The following AP1G2 variants were observed in gnomAD, a reference collection of about 807,000 sequenced individuals.
The protein encoded by AP1G2 is AP-1 complex subunit gamma-like 2.
In AP1G2, 85 loss-of-function variants were observed where a neutral mutation model predicts 95.8. The observed-to-expected ratio is 0.89, with a 90% confidence interval of 0.74 to 1.06. The LOEUF (loss-of-function observed/expected upper bound fraction) is 1.06, where lower values mean the gene tolerates loss of function less well. AP1G2 is among the 50% of genes least tolerant of loss of function. AP1G2 has a pLI of 0.00. For missense variants in AP1G2, 967 were observed against 1,005.8 expected (o/e 0.96, Z 0.52); for synonymous variants, 378 against 400.0 (o/e 0.94, Z 0.66).
intron 8 of AP1G2, 108 bp downstream of exon 8, chr14:23,565,011 G>A (rs1281015439): frequency 4.9e-6 from 5 of 1,030,784 alleles, no homozygotes. Context: ...TAGAGGAGAT[G>A]GAGAGGCAAT....
In AP1G2 at chr14:23,560,355, C is replaced by T. The variant is rs780673370; in HGVS notation, c.2057G>A (p.Arg686Gln). ...EGVQLNLSFI[R>Q]PPENPALLLI... is the part of the protein sequence containing the mutation. ...CAGCAAAGCAGGGTTTTCAGGGGGTCGAATGAAAGACAGATTCAGCTGTAC... is the reference window on the plus strand; with the variant it reads ...CAGCAAAGCAGGGTTTTCAGGGGGTTGAATGAAAGACAGATTCAGCTGTAC... The change falls in exon 20 of 22, where the codon CGA becomes CAA. Residue 686 changes from arginine (R) to glutamine (Q), a missense_variant. Transcript: ENST00000397120. 13 of 1,613,950 alleles carry T rather than the reference C, an allele frequency of 8.1e-6. No homozygotes were observed. The highest frequency in any genetic ancestry group is 1.0e-5 in the Non-Finnish European group (12 of 1,179,990).
In AP1G2 at chr14:23,561,853, C is replaced by T. The variant is rs1397348860; in HGVS notation, c.1733+109G>A. ...TTAACAGTGGGTGGGAAGCTCTCACCGTGGATATGGAAGAACACAGGTGAG... is the reference window on the plus strand; with the variant it reads ...TTAACAGTGGGTGGGAAGCTCTCACTGTGGATATGGAAGAACACAGGTGAG... On this transcript the variant is annotated intron_variant, in intron 17 of 21. Transcript: ENST00000397120. 48 of 1,482,752 alleles carry T rather than the reference C, an allele frequency of 3.2e-5. 2 individuals carry two copies. Among genetic ancestry groups the T allele is most frequent in the South Asian group, 1.2e-4 (9 of 73,612 alleles). 91.8% of individuals were successfully genotyped at this position (1,482,752 alleles called of 1,614,324 possible).
intron 7 of AP1G2, 76 bp downstream of exon 7, chr14:23,565,509 TGAGAGAACCAGTGTTCTCTGG>T (rs1887423503): frequency 9.1e-7 from 1 of 1,104,154 alleles, no homozygotes; most frequent in East Asian, 2.5e-5. Flanking sequence ...CCCAGGACAC[TGAGAGAACCAGTGTTCTCTGG>T]GAGGAAACCA....
chr14:23,565,277 A>G (rs1486156294), intron 7 of AP1G2, 78 bp from the exon 8 acceptor site: 2 of 1,448,978 alleles, frequency 1.4e-6, no homozygotes, highest in Admixed American at 1.9e-5. Flanking sequence ...AAACTCCAAC[A>G]TGTGAGGGTC....
intron 7 of AP1G2, 117 bp from the exon 8 acceptor site, chr14:23,565,316 C>T: frequency 9.5e-7 from 1 of 1,054,912 alleles, no homozygotes; most frequent in Non-Finnish European, 1.4e-6. Flanking sequence ...CTTCCCCCAC[C>T]TCCTCACCTC....
intron 8 of AP1G2, 36 bp from the exon 9 acceptor site, chr14:23,564,696 G>A (rs774031843): frequency 6.3e-7 from 1 of 1,584,666 alleles, no homozygotes; most frequent in Non-Finnish European, 8.7e-7. Flanking sequence ...TCTGCTCAAG[G>A]CCCTCCTCAG....
At position 23,561,640 on chromosome 14, in the gene AP1G2, G is replaced by A. The variant is rs1328869022; in HGVS notation, c.1734-5C>T. 1 of 1,613,624 alleles carries A rather than the reference G, an allele frequency of 6.2e-7. No homozygotes were observed. Among genetic ancestry groups the A allele is most frequent in the Admixed American group, 1.7e-5 (1 of 59,988 alleles). On this transcript the variant is annotated splice_region_variant and splice_polypyrimidine_tract_variant and intron_variant, in intron 17 of 21. Transcript: ENST00000397120. ...ATTTTTTCCAGGATGGCAGCCCTGAGAGGATGGAATGCAAGTGTGCCTCTG... is the reference window on the plus strand; with the variant it reads ...ATTTTTTCCAGGATGGCAGCCCTGAAAGGATGGAATGCAAGTGTGCCTCTG...
At chr14:23,564,182 T>C (rs367588933) in intron 10 of AP1G2, 23 bp from the exon 11 acceptor site, 24 of 1,612,728 alleles carry the variant, frequency 1.5e-5, no homozygotes, top group African/African-American at 6.7e-5. Flanking sequence ...GGGGAGGTTC[T>C]ATCATACCAT....
In AP1G2 at chr14:23,567,670, C is replaced by A. The variant is rs1470299888; in HGVS notation, c.-6+69G>T. On this transcript the variant is annotated intron_variant, in intron 1 of 21. Transcript: ENST00000397120. This position sits in a 1 kb window ranked among gnomAD's most constrained non-coding sequence, Gnocchi z 5.3. ...CCGCTGTTTCTTCCGCGAGCTTCCT[C>A]CCCCGATTTCCATCTCAGGCAGCGG... 1 of 979,292 alleles carries A rather than the reference C, an allele frequency of 1.0e-6. No individual in the cohort carries two copies. The highest frequency in any genetic ancestry group is 1.2e-6 in the Non-Finnish European group (1 of 812,606). The allele number at this position is 979,292 out of a possible 1,614,324, so 60.7% of individuals were successfully genotyped here. A position where few individuals can be genotyped will look rare whatever the true frequency, so the allele number is the denominator to read the frequency against.
At chr14:23,566,813 A>T in intron 2 of AP1G2, 127 bp from the exon 3 acceptor site, 1 of 1,360,622 alleles carries the variant, frequency 7.3e-7, no homozygotes. Flanking sequence ...TCTCCCTTCA[A>T]CAAGAGGAGA....
At chr14:23,562,186 CT>C (rs1422784373) in intron 16 of AP1G2, 101 bp downstream of exon 16, 1 of 1,591,838 alleles carries the variant, frequency 6.3e-7, no homozygotes, top group African/African-American at 1.3e-5. Context: ...AACCTAAGGG[CT>C]AGGGGGTAGG....
In AP1G2 at chr14:23,567,042, T is replaced by A. The variant is rs532610933; in HGVS notation, c.204+69A>T. 6.7e-7 allele frequency: 1 copy of A among 1,492,366 alleles called. No homozygotes were observed. Among genetic ancestry groups the A allele is most frequent in the Non-Finnish European group, 9.1e-7 (1 of 1,101,450 alleles). The allele number at this position is 1,492,366 out of a possible 1,614,324, so 92.4% of individuals were successfully genotyped here. On this transcript the variant is annotated intron_variant, in intron 2 of 21. Coordinates refer to ENST00000397120, the MANE Select transcript of AP1G2 (RefSeq NM_003917.5). This position sits in a 1 kb window ranked among gnomAD's most constrained non-coding sequence, Gnocchi z 5.3. ...TTTAAAAAACCAGGGCATAAACAGG[T>A]GAGAGAGTCTGGGACTCTGCCCCAC...
rs2139435504 is a variant in AP1G2 at position 23,567,627 on chromosome 14, T to C, written c.-6+112A>G. 5.3e-6 allele frequency: 6 copies of C among 1,133,540 alleles called. No individual in the cohort carries two copies. The East Asian group carries it at 3.3e-4, about 62-fold the overall frequency. 70.2% of individuals were successfully genotyped at this position (1,133,540 alleles called of 1,614,324 possible). A position where few individuals can be genotyped will look rare whatever the true frequency, so the allele number is the denominator to read the frequency against. ...ACCCCATCCCTAGCTCAGCCATTGC[T>C]TTTTTTTCCACGACCCTCCGCTGTT... On this transcript the variant is annotated intron_variant, in intron 1 of 21. Transcript: ENST00000397120. This position sits in a 1 kb window ranked among gnomAD's most constrained non-coding sequence, Gnocchi z 5.3.
intron 2 of AP1G2, 130 bp from the exon 3 acceptor site, chr14:23,566,816 A>G: frequency 1.5e-6 from 2 of 1,355,812 alleles, no homozygotes; most frequent in Non-Finnish European, 2.0e-6. Flanking sequence ...CCCTTCAACA[A>G]GAGGAGAAGC....
In AP1G2 at chr14:23,563,468, T is replaced by C. The variant is rs558439142; in HGVS notation, c.1322A>G (p.Asn441Ser). 1 of 1,614,032 alleles carries C rather than the reference T, an allele frequency of 6.2e-7. No individual in the cohort carries two copies. Among genetic ancestry groups the C allele is most frequent in the Non-Finnish European group, 8.5e-7 (1 of 1,179,974 alleles). ...GTHVRDDAVA[N>S]LTQLIGGAQE... ...GGCCCCCCCAATCAGCTGGGTCAGG[T>C]TGGCCACTGCATCATCCCGCACATG... Residue 441 changes from asparagine (N) to serine (S), a missense_variant, in exon 14 of 22, where the codon AAC becomes AGC. Coordinates refer to ENST00000397120, the MANE Select transcript of AP1G2 (RefSeq NM_003917.5).
intron 16 of AP1G2, 51 bp downstream of exon 16, chr14:23,562,236 TG>T (rs1355203214): frequency 3.7e-6 from 6 of 1,608,500 alleles, no homozygotes; most frequent in East Asian, 2.2e-5. Flanking sequence ...AACTCAAAAA[TG>T]GGTGGACCCA....
At chr14:23,563,550 T>C in intron 13 of AP1G2, 34 bp downstream of exon 13, 1 of 1,614,236 alleles carries the variant, frequency 6.2e-7, no homozygotes, top group Non-Finnish European at 8.5e-7. Context: ...TCTTGACCAC[T>C]TCTGCCCAGC....
chr14:23,559,876 G>A, intron 21 of AP1G2, 26 bp from the exon 22 acceptor site: 1 of 1,613,332 alleles, frequency 6.2e-7, no homozygotes, highest in Non-Finnish European at 8.5e-7. Flanking sequence ...CAGGGACCAG[G>A]GTTAGCACCC....
At position 23,562,018 on chromosome 14, in the gene AP1G2, C is replaced by T. The variant is rs1256861409; in HGVS notation, c.1677G>A (p.Glu559=). The change falls in exon 17 of 22, where the codon GAG becomes GAA. Residue 559 remains glutamate, a synonymous_variant. Transcript: ENST00000397120. ...CATACTCCACAGCCCGCTGCTGCAG[C>T]TCCACGTCCAAGCAGCTCCCGTAGA... ...VSIYGSCLDV[E]LQQRAVEYDT... is the part of the protein sequence containing the mutation. 2 of 1,613,716 alleles carry T rather than the reference C, an allele frequency of 1.2e-6. No individual in the cohort carries two copies. Among genetic ancestry groups the T allele is most frequent in the South Asian group, 2.2e-5 (2 of 91,006 alleles).
Sources: allele counts gnomAD v4.1 joint callset, GRCh38; gene constraint gnomAD v4.1.1; non-coding constraint Gnocchi (gnomAD v3.1); transcripts MANE v1.5; gene names NCBI Gene and HGNC (gene_info 2026-07-23, HGNC 2026-07-21).